Variants in ARMC9 observed in about 807,000 individuals in gnomAD.
The protein encoded by ARMC9 is lisH domain-containing protein ARMC9.
ARMC9 carries 94 observed loss-of-function variants against 107.0 expected under a neutral mutation model. That is an observed-to-expected ratio of 0.88 (90% CI 0.74 to 1.04). The LOEUF is 1.04. Ranked by LOEUF, ARMC9 falls within the 50% of genes least tolerant of loss-of-function variation. ARMC9 has a pLI of 0.00. For missense variants in ARMC9, 942 were observed against 1,030.1 expected, an observed-to-expected ratio of 0.91 and a Z score of 1.17; for synonymous variants, 380 against 396.9, an observed-to-expected ratio of 0.96 and a Z score of 0.51.
chr2:231,361,936 C>G (rs2045603530), intron 23 of ARMC9, among the ~76,000 whole-genome samples: 1 of 152,112 alleles, frequency 6.6e-6, no homozygotes, highest in Non-Finnish European at 1.5e-5. Context: ...GGGGCGCAGA[C>G]AAGTGTGCTG....
chr2:231,337,290 A>ATTTTTTTTTTT (rs58078324), intron 20 of ARMC9, among the ~76,000 whole-genome samples: 2 of 38,018 alleles, frequency 5.3e-5, no homozygotes, highest in African/African-American at 1.2e-4. Flanking sequence ...ATATATATAT[A>ATTTTTTTTTTT]TTTTTTTTTT....
intron 20 of ARMC9, among the ~76,000 whole-genome samples, chr2:231,343,506 C>T (rs1354519789): frequency 6.6e-6 from 1 of 151,986 alleles, no homozygotes; most frequent in Non-Finnish European, 1.5e-5. Flanking sequence ...CATAATTTCC[C>T]CTGGTGCTAA....
In ARMC9 at chr2:231,239,993, G is replaced by C. The variant is rs2036134682; in HGVS notation, c.831G>C (p.Gln277His). 6.2e-6 allele frequency: 10 copies of C among 1,614,010 alleles called. No homozygotes were observed. Among genetic ancestry groups the C allele is most frequent in the Non-Finnish European group, 6.8e-6 (8 of 1,179,910 alleles). ...QSVCVRLFSN[Q>H]MRQSLAHSVD... ...TCTGTGTCCGCCTGTTCAGTAACCAGATGCGGCAGAGCCTGGCGCATAGTG... is the reference window on the plus strand; with the variant it reads ...TCTGTGTCCGCCTGTTCAGTAACCACATGCGGCAGAGCCTGGCGCATAGTG... Residue 277 changes from glutamine (Q) to histidine (H), a missense_variant, in exon 9 of 25, where the codon CAG (glutamine) becomes CAC (histidine). Transcript: ENST00000611582.
chr2:231,354,133 G>A (rs970520797), intron 21 of ARMC9, among the ~76,000 whole-genome samples: 11 of 151,786 alleles, frequency 7.2e-5, no homozygotes, highest in African/African-American at 2.4e-4. Context: ...TCAGAAAAGA[G>A]TTCAAAACTG....
At chr2:231,248,164 G>A (rs552678538) in intron 9 of ARMC9, among the ~76,000 whole-genome samples, 140 of 152,298 alleles carry the variant, frequency 9.2e-4, no homozygotes, top group Middle Eastern at 3.4e-3. Context: ...CCTGGGAAGC[G>A]TCTGAGGTTT....
At position 231,360,681 on chromosome 2, in the gene ARMC9, C is replaced by A. The variant is rs1380364762; in HGVS notation, c.2132-73C>A. The A allele has an allele frequency of 2.6e-6, 4 of 1,534,694 alleles. No homozygotes were observed. Among genetic ancestry groups the A allele is most frequent in the Non-Finnish European group, 3.5e-6 (4 of 1,145,836 alleles). ...TGCGTGCTTTTCTTGGCTTTCCAAC[C>A]CAGCCCACGAGAGGGCATCCTTAGA... On this transcript the variant is annotated intron_variant, in intron 22 of 24. Coordinates refer to ENST00000611582, the MANE Select transcript of ARMC9 (RefSeq NM_001352754.2). The surrounding 1 kb of genome is among the most constrained non-coding windows in gnomAD (Gnocchi z 4.7).
At chr2:231,339,455 A>G (rs2044357519) in intron 20 of ARMC9, among the ~76,000 whole-genome samples, 1 of 152,182 alleles carries the variant, frequency 6.6e-6, no homozygotes, top group East Asian at 1.9e-4. Context: ...TGTTTTAGAG[A>G]TATGATGTCA....
Position 231,302,141 on chromosome 2 carries a change from G to A in ARMC9, c.1773+5888G>A, listed in dbSNP as rs548749511. Among the ~76,000 whole-genome samples, 5 of 152,026 alleles carry A rather than the reference G, an allele frequency of 3.3e-5. No individual in the cohort carries two copies. The East Asian group carries it at 9.6e-4, about 29-fold the overall frequency. ...TAGTCATTAAATATGTTATGCATAG[G>A]AAAGAAAAACATATATGTTTATATA... On this transcript the variant is annotated intron_variant, in intron 19 of 24. Transcript: ENST00000611582.
intron 20 of ARMC9, among the ~76,000 whole-genome samples, chr2:231,334,963 G>A (rs141425168): frequency 2.0e-4 from 31 of 152,274 alleles, no homozygotes; most frequent in African/African-American, 7.2e-4. Flanking sequence ...CATGATCCAG[G>A]CCCCTTGTTC....
intron 7 of ARMC9, among the ~76,000 whole-genome samples, chr2:231,228,089 A>G (rs920714950): frequency 1.3e-5 from 2 of 152,156 alleles, no homozygotes; most frequent in Non-Finnish European, 2.9e-5. Flanking sequence ...TCTCAGTGCT[A>G]GCCTAGGCCC....
chr2:231,226,148 C>T, intron 6 of ARMC9, among the ~76,000 whole-genome samples: 1 of 152,220 alleles, frequency 6.6e-6, no homozygotes, highest in East Asian at 1.9e-4. Context: ...TGAGCCACCA[C>T]ACTGGCCTGA....
chr2:231,229,746 C>T (rs1303140032), intron 7 of ARMC9, among the ~76,000 whole-genome samples: 1 of 152,050 alleles, frequency 6.6e-6, no homozygotes, highest in African/African-American at 2.4e-5. Flanking sequence ...TGAATACAAA[C>T]AGGAAAGAGT....
chr2:231,324,153 A>C (rs1372111486), intron 19 of ARMC9, among the ~76,000 whole-genome samples: 3 of 86,978 alleles, frequency 3.4e-5, no homozygotes, highest in Non-Finnish European at 6.1e-5. Context: ...TTTGTGATGT[A>C]GTCTTGCTCT....
At chr2:231,275,561 A>G (rs1003932118) in intron 14 of ARMC9, among the ~76,000 whole-genome samples, 3 of 152,226 alleles carry the variant, frequency 2.0e-5, no homozygotes, top group African/African-American at 7.2e-5. Context: ...AGAAATGTGA[A>G]TCAAAGTGAT....
Position 231,373,080 on chromosome 2 carries a change from C to T in ARMC9, c.*1545C>T, listed in dbSNP as rs1171418987. On this transcript the variant is annotated 3_prime_UTR_variant, in exon 25 of 25. Coordinates refer to ENST00000611582, the MANE Select transcript of ARMC9 (RefSeq NM_001352754.2). The surrounding 1 kb of genome is among the most constrained non-coding windows in gnomAD (Gnocchi z 4.4). ...GGCCTGGTGGCCACCTCTTGGTTCT[C>T]TGGAAATGTGTCCACTCTGTGCTCA... The T allele has an allele frequency of 6.6e-6, 1 of 152,230 alleles. No individual in the cohort carries two copies. The highest frequency in any genetic ancestry group is 2.4e-5 in the African/African-American group (1 of 41,436). 9.4% of individuals were successfully genotyped at this position (152,230 alleles called of 1,614,324 possible).
Position 231,358,350 on chromosome 2 carries a change from A to ATTGATTGATTG in ARMC9, c.2132-2404_2132-2403insTTGATTGATTG, listed in dbSNP as rs2045424608. 6.6e-6 allele frequency among the ~76,000 whole-genome samples: 1 copy of ATTGATTGATTG among 150,964 alleles called. No individual in the cohort carries two copies. Among genetic ancestry groups the ATTGATTGATTG allele is most frequent in the African/African-American group, 2.5e-5 (1 of 40,670 alleles). ...CTTCTCCATCCCTCCCCTCCACTTC[A>ATTGATTGATTG]ATTGATTGATTGATTGATTGATTGA... On this transcript the variant is annotated intron_variant, in intron 22 of 24. Coordinates refer to ENST00000611582, the MANE Select transcript of ARMC9 (RefSeq NM_001352754.2). The surrounding 1 kb of genome is among the most constrained non-coding windows in gnomAD (Gnocchi z 4.5).
At chr2:231,286,940 A>G (rs775385107) in intron 17 of ARMC9, among the ~76,000 whole-genome samples, 2 of 152,218 alleles carry the variant, frequency 1.3e-5, no homozygotes, top group Non-Finnish European at 2.9e-5. Context: ...AAGAGATCAG[A>G]TAAGTGGAGC....
chr2:231,357,517 C>T (rs2045392501), intron 22 of ARMC9, among the ~76,000 whole-genome samples: 2 of 152,186 alleles, frequency 1.3e-5, no homozygotes, highest in Admixed American at 1.3e-4. Flanking sequence ...CCTGGCCCTG[C>T]CAGGCCCGCT....
intron 17 of ARMC9, among the ~76,000 whole-genome samples, chr2:231,289,641 A>T (rs1295059363): frequency 6.6e-6 from 1 of 152,188 alleles, no homozygotes; most frequent in Non-Finnish European, 1.5e-5. Flanking sequence ...CAAGGCAGTC[A>T]TTGGTTGGTA....
Sources: allele counts gnomAD v4.1 joint callset (sites outside exome capture counted in the v4.1 genomes callset), GRCh38; gene constraint gnomAD v4.1.1; non-coding constraint Gnocchi (gnomAD v3.1); transcripts MANE v1.5; gene names NCBI Gene and HGNC (gene_info 2026-07-23, HGNC 2026-07-21).